Variants in HNRNPC observed in about 807,000 individuals in gnomAD.
HNRNPC encodes the protein heterogeneous nuclear ribonucleoproteins C1/C2.
A neutral mutation model predicts 33.2 loss-of-function variants in HNRNPC; 3 were observed. The ratio of observed to expected loss-of-function variants is 0.09; its 90% CI spans 0.04 to 0.23. HNRNPC has a LOEUF of 0.23. HNRNPC is among the 10% of genes least tolerant of loss of function. The pLI is 1.00. For missense variants in HNRNPC, 143 were observed against 366.7 expected, an observed-to-expected ratio of 0.39 and a Z score of 4.98; for synonymous variants, 121 against 126.7, an observed-to-expected ratio of 0.96 and a Z score of 0.30.
intron 5 of HNRNPC, among the ~76,000 whole-genome samples, chr14:21,217,470 CT>C: frequency 6.6e-6 from 1 of 152,226 alleles, no homozygotes; most frequent in East Asian, 1.9e-4. Context: ...CATGGGGAAA[CT>C]CTAACATAAT....
chr14:21,247,766 A>G (rs1357729148), intron 2 of HNRNPC, among the ~76,000 whole-genome samples: 3 of 151,070 alleles, frequency 2.0e-5, no homozygotes, highest in Non-Finnish European at 4.4e-5. Flanking sequence ...CTTGACTAAC[A>G]TGGTGAAACC....
At chr14:21,218,112 G>A (rs1264991988) in intron 5 of HNRNPC, among the ~76,000 whole-genome samples, 1 of 152,024 alleles carries the variant, frequency 6.6e-6, no homozygotes, top group Non-Finnish European at 1.5e-5. Context: ...ACAGGTACAC[G>A]ATACCAAGCC....
intron 2 of HNRNPC, among the ~76,000 whole-genome samples, chr14:21,257,039 T>A (rs1220619568): frequency 6.6e-6 from 1 of 152,146 alleles, no homozygotes; most frequent in African/African-American, 2.4e-5. Context: ...GACACAAAAA[T>A]TGTTTCATTA....
chr14:21,212,943 A>T lies in HNRNPC; in HGVS notation c.523+17T>A, dbSNP rs2139454402. The T allele has an allele frequency of 6.2e-7, 1 of 1,613,322 alleles. No individual in the cohort carries two copies. Among genetic ancestry groups the T allele is most frequent in the East Asian group, 2.2e-5 (1 of 44,878 alleles). ...AACACAAGAGATACCAAAATCACAA[A>T]ATGAAATAATACATACACTTTCCAG... is the stretch of plus-strand genomic sequence containing the variant. On this transcript the variant is annotated intron_variant, in intron 6 of 8. Coordinates refer to ENST00000553300, the MANE Select transcript of HNRNPC (RefSeq NM_004500.4).
intron 1 of HNRNPC, among the ~76,000 whole-genome samples, chr14:21,267,272 C>T (rs1167065263): frequency 2.0e-5 from 3 of 152,140 alleles, no homozygotes; most frequent in Non-Finnish European, 2.9e-5. Flanking sequence ...AAATCTATTT[C>T]TCCTAACTCC....
At chr14:21,242,003 C>T (rs1895404980) in intron 2 of HNRNPC, among the ~76,000 whole-genome samples, 3 of 152,084 alleles carry the variant, frequency 2.0e-5, no homozygotes, top group Admixed American at 2.0e-4. Context: ...TACTAGGTAG[C>T]CATCTTTTTC....
At chr14:21,265,196 AT>A (rs1242741127) in intron 1 of HNRNPC, 6 of 152,210 alleles carry the variant, frequency 3.9e-5, no homozygotes, top group African/African-American at 1.4e-4. Flanking sequence ...TTTGTGAAGA[AT>A]TGTAAGAAAT....
At chr14:21,222,488 G>A (rs1044363819) in intron 5 of HNRNPC, among the ~76,000 whole-genome samples, 1 of 151,974 alleles carries the variant, frequency 6.6e-6, no homozygotes, top group Non-Finnish European at 1.5e-5. Context: ...TATTTTCATG[G>A]TTCATCCGTG....
chr14:21,211,200 G>A lies in HNRNPC; in HGVS notation c.*23C>T, dbSNP rs751836295. 15 of 1,609,006 alleles carry A rather than the reference G, an allele frequency of 9.3e-6. No homozygotes were observed. The East Asian group carries it at 3.1e-4, about 34-fold the overall frequency. The stretch of plus-strand genomic sequence containing the variant: ...CCTAGGTAAAGAAATAATGGGATAA[G>A]ATTTCTAAACCCCACTATGTGCTTA... On this transcript the variant is annotated 3_prime_UTR_variant, in exon 9 of 9. Transcript: ENST00000553300.
At chr14:21,246,401 T>C (rs1459584445) in intron 2 of HNRNPC, among the ~76,000 whole-genome samples, 1 of 151,588 alleles carries the variant, frequency 6.6e-6, no homozygotes, top group Non-Finnish European at 1.5e-5. Context: ...CTACTAAAAA[T>C]ACAAAAACAA....
At chr14:21,258,835 C>T (rs543539075) in intron 2 of HNRNPC, among the ~76,000 whole-genome samples, 110 of 152,270 alleles carry the variant, frequency 7.2e-4, no homozygotes, top group Non-Finnish European at 1.3e-3. Flanking sequence ...TTTGAAAAAC[C>T]AGGGCAAGTT....
At chr14:21,225,451 AC>A (rs1329892349) in intron 5 of HNRNPC, among the ~76,000 whole-genome samples, 1 of 151,620 alleles carries the variant, frequency 6.6e-6, no homozygotes, top group Non-Finnish European at 1.5e-5. Context: ...AAAAAAAAAA[AC>A]AGAGAGAGAT....
intron 2 of HNRNPC, among the ~76,000 whole-genome samples, chr14:21,248,099 G>A (rs1463008870): frequency 6.6e-6 from 1 of 152,110 alleles, no homozygotes; most frequent in Non-Finnish European, 1.5e-5. Context: ...AAAACTTTTG[G>A]AGGCTGAGGT....
intron 5 of HNRNPC, 89 bp downstream of exon 5, chr14:21,230,230 A>G: frequency 2.3e-6 from 2 of 880,126 alleles, no homozygotes; most frequent in Non-Finnish European, 3.6e-6. Flanking sequence ...GTTTGAAAAC[A>G]TCTTTGATGT....
At chr14:21,230,919 G>T in intron 4 of HNRNPC, 78 bp downstream of exon 4, 1 of 1,528,156 alleles carries the variant, frequency 6.5e-7, no homozygotes, top group Non-Finnish European at 9.0e-7. Context: ...GATGCCCACT[G>T]ATGGACACAA....
chr14:21,249,600 A>AAAAC (rs1555358506), intron 2 of HNRNPC, among the ~76,000 whole-genome samples: 3 of 145,218 alleles, frequency 2.1e-5, no homozygotes, highest in Admixed American at 6.9e-5. Context: ...AAACAAAAAA[A>AAAAC]AAAAAAAAAA....
intron 1 of HNRNPC, among the ~76,000 whole-genome samples, chr14:21,265,950 C>T (rs931719300): frequency 2.1e-4 from 32 of 152,214 alleles, no homozygotes; most frequent in African/African-American, 7.5e-4. Context: ...TGCAAACTCT[C>T]AGGGCCCACC....
chr14:21,219,065 G>A (rs1394064345), intron 5 of HNRNPC, among the ~76,000 whole-genome samples: 1 of 139,824 alleles, frequency 7.2e-6, no homozygotes, highest in Non-Finnish European at 1.5e-5. Context: ...AGCCAAGACC[G>A]CACCACTGCA....
intron 5 of HNRNPC, among the ~76,000 whole-genome samples, chr14:21,222,702 C>T (rs1323138550): frequency 6.6e-6 from 1 of 151,794 alleles, no homozygotes; most frequent in East Asian, 1.9e-4. Context: ...ACCATCCTGG[C>T]AAATACGGTG....
Sources: allele counts gnomAD v4.1 joint callset (sites outside exome capture counted in the v4.1 genomes callset), GRCh38; gene constraint gnomAD v4.1.1; transcripts MANE v1.5; gene names NCBI Gene and HGNC (gene_info 2026-07-23, HGNC 2026-07-21).